Variants in TRIM14 observed in about 807,000 individuals in gnomAD.
TRIM14 encodes the protein tripartite motif containing 14, also known as tripartite motif-containing protein 14.
TRIM14 carries 28 observed loss-of-function variants against 44.5 expected under a neutral mutation model. The ratio of observed to expected loss-of-function variants is 0.63; its 90% CI spans 0.47 to 0.86. TRIM14 has a LOEUF of 0.86. Among genes scored for constraint, TRIM14 ranks in the 40% least tolerant of loss-of-function variants. TRIM14 has a pLI of 0.00. For missense variants in TRIM14, 607 were observed against 611.1 expected, an observed-to-expected ratio of 0.99 and a Z score of 0.07; for synonymous variants, 299 against 269.2, an observed-to-expected ratio of 1.11 and a Z score of -1.08.
chr9:98,081,317 C>T (rs1829851288), downstream of TRIM14: 8 of 579,610 alleles, frequency 1.4e-5, no homozygotes, highest in South Asian at 1.7e-4. Flanking sequence ...CTCTGGCCAC[C>T]TAGGGTCACA....
At chr9:98,094,237 T>A (rs1339685800) in intron 4 of TRIM14, among the ~76,000 whole-genome samples, 1 of 152,226 alleles carries the variant, frequency 6.6e-6, no homozygotes, top group Non-Finnish European at 1.5e-5. Context: ...AATGAATGAA[T>A]GAATGCATAA....
the TRIM14 span, among the ~76,000 whole-genome samples, chr9:98,064,258 AT>A: frequency 6.6e-4 from 96 of 145,280 alleles, no homozygotes; most frequent in Admixed American, 6.2e-4. Flanking sequence ...CTAATTCCCT[AT>A]TTTTTTTTTT....
chr9:98,113,065 T>C (rs1232003430), intron 1 of TRIM14, among the ~76,000 whole-genome samples: 4 of 145,436 alleles, frequency 2.8e-5, no homozygotes, highest in Non-Finnish European at 6.0e-5. Context: ...AGTGAGGCAG[T>C]TCATGCCACT....
the TRIM14 span, chr9:98,061,081 C>T: frequency 5.5e-6 from 7 of 1,283,402 alleles, no homozygotes; most frequent in Non-Finnish European, 7.8e-6. Context: ...CTTAGGGCCA[C>T]CTCCAGCCCT....
intron 6 of TRIM14, among the ~76,000 whole-genome samples, chr9:98,070,748 C>T (rs754210434): frequency 9.3e-5 from 14 of 151,044 alleles, no homozygotes; most frequent in Middle Eastern, 3.5e-3. Context: ...TCAGCAAATA[C>T]GAATAAATAA....
chr9:98,038,479 T>C, the TRIM14 span, among the ~76,000 whole-genome samples: 1 of 152,226 alleles, frequency 6.6e-6, no homozygotes, highest in African/African-American at 2.4e-5. Flanking sequence ...GGAATGAAAA[T>C]TGATTCTTTC....
chr9:98,088,377 C>T (rs1450335918), intron 5 of TRIM14, among the ~76,000 whole-genome samples: 2 of 151,464 alleles, frequency 1.3e-5, no homozygotes, highest in Admixed American at 6.6e-5. Flanking sequence ...TTTTTTGAAA[C>T]GGAGTCTCGC....
At chr9:98,048,242 C>A in the TRIM14 span, among the ~76,000 whole-genome samples, 1 of 152,114 alleles carries the variant, frequency 6.6e-6, no homozygotes, top group Non-Finnish European at 1.5e-5. Context: ...CTTTTGGGAT[C>A]TGAGATCTGG....
intron 6 of TRIM14, among the ~76,000 whole-genome samples, chr9:98,072,964 G>A (rs1012593385): frequency 7.2e-5 from 11 of 152,322 alleles, no homozygotes; most frequent in Non-Finnish European, 1.2e-4. Context: ...CAAGAAAACC[G>A]TCAGGGCTTC....
At chr9:98,104,760 G>C (rs929835796) in intron 2 of TRIM14, among the ~76,000 whole-genome samples, 18 of 152,150 alleles carry the variant, frequency 1.2e-4, no homozygotes, top group African/African-American at 4.1e-4. Flanking sequence ...ATGAAGCCCC[G>C]GTCAGGGAAG....
At chr9:98,110,084 C>T in intron 1 of TRIM14, 100 bp from the exon 2 acceptor site, 1 of 879,546 alleles carries the variant, frequency 1.1e-6, no homozygotes, top group South Asian at 1.4e-5. Flanking sequence ...TATTCTTTTC[C>T]AATGGAGGCA....
chr9:98,117,823 G>GA (rs1417785162), intron 1 of TRIM14, among the ~76,000 whole-genome samples: 1 of 152,174 alleles, frequency 6.6e-6, no homozygotes, highest in Non-Finnish European at 1.5e-5. Context: ...TGGGTAGGGG[G>GA]ATGGACAAAT....
At chr9:98,054,483 C>T in the TRIM14 span, among the ~76,000 whole-genome samples, 1 of 152,214 alleles carries the variant, frequency 6.6e-6, no homozygotes, top group Non-Finnish European at 1.5e-5. Flanking sequence ...GTTGGCAGCA[C>T]CTAGACTACT....
the TRIM14 span, among the ~76,000 whole-genome samples, chr9:98,059,029 A>ATT: frequency 2.0e-5 from 3 of 148,294 alleles, 1 homozygote; most frequent in South Asian, 6.4e-4. Context: ...AGAAGTTTTT[A>ATT]TTTTTTTTTT....
the TRIM14 span, among the ~76,000 whole-genome samples, chr9:98,050,275 TC>T: frequency 1.3e-5 from 2 of 152,104 alleles, no homozygotes; most frequent in East Asian, 3.9e-4. Flanking sequence ...ATTTAACAAT[TC>T]CCCCCTTTTG....
the TRIM14 span, among the ~76,000 whole-genome samples, chr9:98,039,949 C>T: frequency 5.3e-5 from 8 of 152,220 alleles, no homozygotes; most frequent in East Asian, 3.9e-4. Flanking sequence ...TGTCTAGCAG[C>T]GGGTAAGGTG....
chr9:98,080,745 T>TA (rs1829815577), downstream of TRIM14: 6 of 1,501,508 alleles, frequency 4.0e-6, no homozygotes, highest in Non-Finnish European at 5.3e-6. Flanking sequence ...CTCAACCAGA[T>TA]ACGCTTCACC....
chr9:98,052,171 T>C, the TRIM14 span, among the ~76,000 whole-genome samples: 1 of 152,124 alleles, frequency 6.6e-6, no homozygotes, highest in African/African-American at 2.4e-5. Context: ...CCTCCTTCAA[T>C]TTCTGGGGTT....
intron 1 of TRIM14, 101 bp downstream of exon 1, chr9:98,118,881 C>T: frequency 1.5e-6 from 2 of 1,322,798 alleles, no homozygotes; most frequent in Non-Finnish European, 9.8e-7. Flanking sequence ...CAGGTTGTAA[C>T]CCGCCACTGG....
Sources: allele counts gnomAD v4.1 joint callset (sites outside exome capture counted in the v4.1 genomes callset), GRCh38; gene constraint gnomAD v4.1.1; transcripts MANE v1.5; gene names NCBI Gene and HGNC (gene_info 2026-07-23, HGNC 2026-07-21).